Variants in UVRAG observed in about 807,000 individuals in gnomAD.
The protein encoded by UVRAG is UV radiation resistance associated, also known as UV radiation resistance-associated gene protein.
Under a neutral mutation model 78.0 loss-of-function variants are expected in UVRAG, and 19 were observed. That is an observed-to-expected ratio of 0.24 (90% CI 0.17 to 0.36). The LOEUF is 0.36. UVRAG is among the 10% of genes least tolerant of loss of function. UVRAG has a pLI of 1.00. For synonymous variants in UVRAG, 323 were observed against 324.6 expected (o/e 1.00, Z 0.05); for missense variants, 740 against 853.8 (o/e 0.87, Z 1.66).
intron 12 of UVRAG, among the ~76,000 whole-genome samples, chr11:76,051,928 C>A (rs1469025419): frequency 6.6e-6 from 1 of 152,122 alleles, no homozygotes; most frequent in Non-Finnish European, 1.5e-5. Flanking sequence ...GAGGGCCCTA[C>A]CTAATCTGTC....
intron 1 of UVRAG, among the ~76,000 whole-genome samples, chr11:75,836,885 C>T (rs1439199239): frequency 6.6e-6 from 1 of 152,050 alleles, no homozygotes; most frequent in Non-Finnish European, 1.5e-5. Context: ...TTCCTATTAC[C>T]TCCTTTTCTT....
chr11:75,822,414 A>G (rs1011226968), intron 1 of UVRAG, among the ~76,000 whole-genome samples: 12 of 152,186 alleles, frequency 7.9e-5, no homozygotes, highest in Admixed American at 6.5e-5. Context: ...TCCAGTGAAC[A>G]CCAATATGGT....
intron 5 of UVRAG, among the ~76,000 whole-genome samples, chr11:75,902,597 G>C (rs1947527687): frequency 6.6e-6 from 1 of 152,116 alleles, no homozygotes; most frequent in Non-Finnish European, 1.5e-5. Flanking sequence ...CTCCAAGGTT[G>C]CTTTCTCTTC....
At chr11:76,120,134 A>AC in intron 14 of UVRAG, among the ~76,000 whole-genome samples, 1 of 152,344 alleles carries the variant, frequency 6.6e-6, no homozygotes, top group Middle Eastern at 3.4e-3. Flanking sequence ...CGCTTTATGA[A>AC]CACAGCAGCT....
chr11:76,050,023 C>A (rs186915873), intron 12 of UVRAG, among the ~76,000 whole-genome samples: 112 of 152,264 alleles, frequency 7.4e-4, no homozygotes, highest in African/African-American at 2.6e-3. Flanking sequence ...ATAATAAGTA[C>A]AATACCTGCT....
At chr11:75,862,689 T>A (rs1044831168) in intron 3 of UVRAG, among the ~76,000 whole-genome samples, 1 of 152,258 alleles carries the variant, frequency 6.6e-6, no homozygotes, top group Admixed American at 6.5e-5. Flanking sequence ...CTATCTCATC[T>A]AGAGCAGTTC....
intron 3 of UVRAG, among the ~76,000 whole-genome samples, chr11:75,869,520 T>C (rs1234639763): frequency 1.1e-4 from 17 of 152,220 alleles, no homozygotes; most frequent in Non-Finnish European, 2.4e-4. Context: ...CTGCATCATC[T>C]TCAAGGTTTT....
rs1040287363 is a variant in UVRAG, at chr11:76,141,377, C to T, written c.2064C>T (p.Ser688=). The change falls in exon 15 of 15, where the codon TCC becomes TCT. Residue 688 remains serine (S), a synonymous_variant. Coordinates refer to ENST00000356136, the MANE Select transcript of UVRAG (RefSeq NM_003369.4). Reference sequence around the variant, plus strand: ...TCTATGCACTGAATGAAAACGTATCCAGCTTCCGCCGGCCGCGCAGGAGTT... The same window carrying T: ...TCTATGCACTGAATGAAAACGTATCTAGCTTCCGCCGGCCGCGCAGGAGTT... ...RRIYALNENV[S]SFRRPRRSSD... 1.9e-6 allele frequency: 3 copies of T among 1,613,914 alleles called. No homozygotes were observed. Among genetic ancestry groups the T allele is most frequent in the South Asian group, 1.1e-5 (1 of 91,076 alleles).
chr11:76,022,082 T>C (rs1950254770), intron 12 of UVRAG, among the ~76,000 whole-genome samples: 1 of 152,166 alleles, frequency 6.6e-6, no homozygotes, highest in Non-Finnish European at 1.5e-5. Context: ...AATTTTCACA[T>C]ATTTGTGAAT....
intron 6 of UVRAG, chr11:75,914,418 A>G (rs531820445): frequency 6.6e-6 from 1 of 152,356 alleles, no homozygotes; most frequent in Non-Finnish European, 1.5e-5. Flanking sequence ...GAAAACACAC[A>G]GTCTAAATTC....
At chr11:75,873,038 G>T (rs553397047) in intron 3 of UVRAG, among the ~76,000 whole-genome samples, 36 of 152,288 alleles carry the variant, frequency 2.4e-4, no homozygotes, top group South Asian at 1.2e-3. Flanking sequence ...GCCAGGTGCC[G>T]TAAGAAAGTT....
chr11:75,875,576 G>A (rs965368815), intron 3 of UVRAG, among the ~76,000 whole-genome samples: 1 of 147,688 alleles, frequency 6.8e-6, no homozygotes, highest in Non-Finnish European at 1.5e-5. Flanking sequence ...CTTGCTAAAT[G>A]CGTATCAGAT....
chr11:75,995,835 G>A (rs562402420), intron 8 of UVRAG, among the ~76,000 whole-genome samples: 8 of 151,970 alleles, frequency 5.3e-5, no homozygotes, highest in Admixed American at 2.0e-4. Context: ...GTTTATATGT[G>A]TTCTGATTTT....
chr11:75,861,867 A>C, intron 3 of UVRAG, 87 bp downstream of exon 3: 1 of 1,162,694 alleles, frequency 8.6e-7, no homozygotes, highest in Non-Finnish European at 1.3e-6. Context: ...GTTGAGGTTC[A>C]GCTCTGGTTT....
chr11:76,055,133 C>T (rs148155597), intron 12 of UVRAG, among the ~76,000 whole-genome samples: 1 of 152,276 alleles, frequency 6.6e-6, no homozygotes, highest in African/African-American at 2.4e-5. Context: ...CTGCAACCTT[C>T]ATCTCCTGGG....
intron 13 of UVRAG, among the ~76,000 whole-genome samples, chr11:76,108,461 T>C (rs1200202852): frequency 6.6e-6 from 1 of 152,206 alleles, no homozygotes; most frequent in African/African-American, 2.4e-5. Flanking sequence ...CCCTCATCAA[T>C]GGAGCAACAT....
intron 4 of UVRAG, among the ~76,000 whole-genome samples, chr11:75,885,091 T>G (rs1947046895): frequency 1.3e-5 from 2 of 152,098 alleles, no homozygotes; most frequent in South Asian, 4.1e-4. Flanking sequence ...ACCTATAGAT[T>G]TTTATGCTAA....
rs111261500 is a variant in UVRAG, at chr11:76,026,398, C to G, written c.1226+9418C>G. On this transcript the variant is annotated intron_variant, in intron 12 of 14. Coordinates refer to ENST00000356136, the MANE Select transcript of UVRAG (RefSeq NM_003369.4). ...AAATTCTCAGCTTCTGTTTGTTAAT[C>G]AAGCTATTTTAGTGCAGAGAGTTCA... Among the ~76,000 whole-genome samples, 1,119 of 152,164 alleles carry G rather than the reference C, an allele frequency of 7.4e-3. 12 individuals carry two copies. The highest frequency in any genetic ancestry group is 0.026 in the African/African-American group (1,069 of 41,536).
intron 3 of UVRAG, among the ~76,000 whole-genome samples, chr11:75,874,670 TA>T (rs1186230551): frequency 1.3e-5 from 2 of 152,258 alleles, no homozygotes; most frequent in Non-Finnish European, 2.9e-5. Flanking sequence ...TATCTATTAT[TA>T]ATACTTTATA....
Sources: gnomAD v4.1 joint callset for allele counts (sites outside exome capture counted in the v4.1 genomes callset) on GRCh38, gnomAD v4.1.1 for gene constraint, MANE v1.5 for transcripts, NCBI Gene and HGNC (gene_info 2026-07-23, HGNC 2026-07-21) for gene names.